PTMA: variants seen among roughly 807,000 people sequenced by gnomAD.
PTMA encodes gene sequence 28.
PTMA carries 4 observed loss-of-function variants against 16.9 expected under a neutral mutation model. The ratio of observed to expected loss-of-function variants is 0.24; its 90% CI spans 0.12 to 0.54. The LOEUF is 0.54. PTMA is among the 20% of genes least tolerant of loss of function. The pLI is 0.95. For missense variants in PTMA, 120 were observed against 137.7 expected, an observed-to-expected ratio of 0.87 and a Z score of 0.64; for synonymous variants, 58 against 47.9, an observed-to-expected ratio of 1.21 and a Z score of -0.87.
At chr2:231,712,125 C>T in intron 3 of PTMA, 142 bp downstream of exon 3, 5 of 1,436,544 alleles carry the variant, frequency 3.5e-6, no homozygotes, top group Non-Finnish European at 4.7e-6. Flanking sequence ...GGGCACCCAC[C>T]TGTAGAGTCA....
Position 231,711,931 on chromosome 2 carries a change from C to G in PTMA, c.159C>G (p.Asp53Glu), listed in dbSNP as rs369301006. The change falls in exon 3 of 5, where the codon GAC becomes GAG. Residue 53 changes from aspartate to glutamate, a missense_variant. By Grantham distance (45) the Asp-to-Glu change is conservative. Transcript: ENST00000409115. ...NGEQEADNEV[D>E]EEEEEGGEEE... ...AGCAGGAGGCTGACAATGAGGTAGACGAAGAAGAGGAAGAAGGTGGGGAGG... is the reference window on the plus strand; with the variant it reads ...AGCAGGAGGCTGACAATGAGGTAGAGGAAGAAGAGGAAGAAGGTGGGGAGG... 6.9e-6 allele frequency: 11 copies of G among 1,604,276 alleles called. No individual in the cohort carries two copies. The highest frequency in any genetic ancestry group is 1.3e-5 in the African/African-American group (1 of 74,668).
rs774156286 is a variant in PTMA at position 231,712,435 on chromosome 2, C to A, written c.212-8C>A. ...AGTGTGGTTTACCTGGCCTTTGATT[C>A]TCTCCAGGTGAGGAAGAGGATGGAG... On this transcript the variant is annotated splice_polypyrimidine_tract_variant and splice_region_variant and intron_variant, in intron 3 of 4. Transcript: ENST00000409115. 3.7e-6 allele frequency: 6 copies of A among 1,613,490 alleles called. No individual in the cohort carries two copies. In the South Asian group the frequency reaches 5.5e-5, roughly 15 times the overall value.
rs1348397084 is a variant in PTMA at position 231,712,671 on chromosome 2, G to T, written c.286-133G>T. On this transcript the variant is annotated intron_variant, in intron 4 of 4. Coordinates refer to ENST00000409115, the MANE Select transcript of PTMA (RefSeq NM_002823.5). ...AAGAACAGGAAGGAAACAGGGCTGG[G>T]CTCAACTTCCCAGAGGCCTTGGGCT... 4.2e-5 allele frequency: 56 copies of T among 1,335,458 alleles called. No homozygotes were observed. In the African/African-American group the frequency reaches 8.1e-4, roughly 19 times the overall value. 82.7% of individuals were successfully genotyped at this position (1,335,458 alleles called of 1,614,324 possible). A position where few individuals can be genotyped will look rare whatever the true frequency, so the allele number is the denominator to read the frequency against.
In PTMA at chr2:231,712,904, T is replaced by C. The variant is rs2048537535; in HGVS notation, c.*53T>C. On this transcript the variant is annotated 3_prime_UTR_variant, in exon 5 of 5. Transcript: ENST00000409115. ...AAAAAAAAAGGCCGCCGTGACCTAT[T>C]CACCCTCCACTTCCCGTCTCAGAAT... is the stretch of plus-strand genomic sequence containing the variant. The C allele has an allele frequency of 2.0e-6, 3 of 1,506,926 alleles. No homozygotes were observed. The East Asian group carries it at 7.4e-5, about 37-fold the overall frequency. 93.3% of individuals were successfully genotyped at this position (1,506,926 alleles called of 1,614,324 possible). A position where few individuals can be genotyped will look rare whatever the true frequency, so the allele number is the denominator to read the frequency against.
intron 1 of PTMA, chr2:231,710,015 C>G (rs115855918): frequency 1.7e-6 from 2 of 1,156,448 alleles, no homozygotes; most frequent in Middle Eastern, 3.3e-4. Context: ...GTGAGAACAC[C>G]GTCCCCAGTG....
chr2:231,711,834 G>T, intron 2 of PTMA, 56 bp from the exon 3 acceptor site: 1 of 1,599,220 alleles, frequency 6.3e-7, no homozygotes, highest in Admixed American at 1.8e-5. Flanking sequence ...CAGGAGCAAC[G>T]CTCTGTCCAG....
rs750767589 is a variant in PTMA at position 231,712,866 on chromosome 2, A to G, written c.*15A>G. The G allele has an allele frequency of 9.6e-6, 15 of 1,555,024 alleles. No homozygotes were observed. Among genetic ancestry groups the G allele is most frequent in the Non-Finnish European group, 1.3e-5 (15 of 1,152,226 alleles). On this transcript the variant is annotated 3_prime_UTR_variant, in exon 5 of 5. Transcript: ENST00000409115. ...AGGATGACTAGACAGCAAAAAAGGAAAAGTTAAACTAAAAAAAAAAAGGCC... is the reference window on the plus strand; with the variant it reads ...AGGATGACTAGACAGCAAAAAAGGAGAAGTTAAACTAAAAAAAAAAAGGCC...
At position 231,710,600 on chromosome 2, in the gene PTMA, C is replaced by T. The variant is rs115569255; in HGVS notation, c.46-748C>T. ...CCGGACCTCTGTTGGTATTGGTGGCCGTGTCGTGTGGAAAAAGTTACCGGG... is the reference window on the plus strand; with the variant it reads ...CCGGACCTCTGTTGGTATTGGTGGCTGTGTCGTGTGGAAAAAGTTACCGGG... On this transcript the variant is annotated intron_variant, in intron 1 of 4. Transcript: ENST00000409115. The T allele has an allele frequency of 4.6e-3, 2,275 of 495,330 alleles. 38 individuals are homozygous for T. Among genetic ancestry groups the T allele is most frequent in the African/African-American group, 0.035 (1,687 of 48,212 alleles). The allele number at this position is 495,330 out of a possible 1,614,324, so 30.7% of individuals were successfully genotyped here. A position where few individuals can be genotyped will look rare whatever the true frequency, so the allele number is the denominator to read the frequency against.
At position 231,712,927 on chromosome 2, in the gene PTMA, A is replaced by T. The variant is rs1313906697; in HGVS notation, c.*76A>T. On this transcript the variant is annotated 3_prime_UTR_variant, in exon 5 of 5. Transcript: ENST00000409115. ...ATTCACCCTCCACTTCCCGTCTCAG[A>T]ATCTAAACGTGGTCACCTTCGAGTA... The T allele has an allele frequency of 7.5e-6, 11 of 1,468,274 alleles. No individual in the cohort carries two copies. Among genetic ancestry groups the T allele is most frequent in the Non-Finnish European group, 1.0e-5 (11 of 1,088,604 alleles). 91.0% of individuals were successfully genotyped at this position (1,468,274 alleles called of 1,614,324 possible).
At chr2:231,712,739 T>C in intron 4 of PTMA, 65 bp from the exon 5 acceptor site, 3 of 1,538,214 alleles carry the variant, frequency 2.0e-6, no homozygotes, top group South Asian at 1.2e-5. Context: ...CAGCAGGAGC[T>C]GAGGCAGTGG....
chr2:231,710,572 A>C, intron 1 of PTMA: 1 of 540,920 alleles, frequency 1.8e-6, no homozygotes. Context: ...GCAGGCCCGG[A>C]CGCCGGACCT....
Position 231,708,733 on chromosome 2 carries a change from C to T in PTMA, c.27C>T (p.Ser9=), listed in dbSNP as rs1462695116. The T allele has an allele frequency of 1.2e-6, 2 of 1,603,632 alleles. No individual in the cohort carries two copies. Among genetic ancestry groups the T allele is most frequent in the African/African-American group, 1.3e-5 (1 of 74,918 alleles). The change falls in exon 1 of 5, where the codon AGC becomes AGT. Residue 9 remains serine (S), a synonymous_variant. Transcript: ENST00000409115. ...TGTCAGACGCAGCCGTAGACACCAGCTCCGAAATCACCACCAAGGTGAGGC... is the reference window on the plus strand; with the variant it reads ...TGTCAGACGCAGCCGTAGACACCAGTTCCGAAATCACCACCAAGGTGAGGC... MSDAAVDT[S]SEITTKDLKE...
intron 3 of PTMA, among the ~76,000 whole-genome samples, 157 bp downstream of exon 3, chr2:231,712,140 A>G (rs1350706607): frequency 6.6e-6 from 1 of 152,168 alleles, no homozygotes; most frequent in African/African-American, 2.4e-5. Context: ...GAGTCAGGGA[A>G]GGTCTCCCTG....
In PTMA at chr2:231,708,552, C is replaced by T. The variant is rs368247819; in HGVS notation, c.-155C>T. The T allele has an allele frequency of 5.8e-6, 5 of 856,876 alleles. No homozygotes were observed. The highest frequency in any genetic ancestry group is 5.5e-5 in the South Asian group (4 of 72,334). 53.1% of individuals were successfully genotyped at this position (856,876 alleles called of 1,614,324 possible). ...CCCACTGGCTGCTCTGAAAAGCCAT[C>T]TTTGCATTGTTCCTCATCCGCCTCC... On this transcript the variant is annotated 5_prime_UTR_variant, in exon 1 of 5. Transcript: ENST00000409115.
Position 231,708,769 on chromosome 2 carries a change from C to A in PTMA, c.45+18C>A, listed in dbSNP as rs1261466045. On this transcript the variant is annotated intron_variant, in intron 1 of 4. Coordinates refer to ENST00000409115, the MANE Select transcript of PTMA (RefSeq NM_002823.5). ...CCACCAAGGTGAGGCTGGACGCCGCCCGCCCCCTCGGGGTCCGCGCGCCGC... is the reference window on the plus strand; with the variant it reads ...CCACCAAGGTGAGGCTGGACGCCGCACGCCCCCTCGGGGTCCGCGCGCCGC... 10 of 1,600,208 alleles carry A rather than the reference C, an allele frequency of 6.2e-6. No homozygotes were observed. Among genetic ancestry groups the A allele is most frequent in the Admixed American group, 5.0e-5 (3 of 59,842 alleles).
At chr2:231,708,858 C>T (rs1057477236) in intron 1 of PTMA, 107 bp downstream of exon 1, 4 of 1,334,312 alleles carry the variant, frequency 3.0e-6, no homozygotes, top group African/African-American at 1.5e-5. Context: ...CTCCCTCTCG[C>T]GGGGAAACGG....
At chr2:231,710,225 T>G in intron 1 of PTMA, 1 of 1,342,314 alleles carries the variant, frequency 7.4e-7, no homozygotes, top group Non-Finnish European at 9.7e-7. Context: ...GGGCGTCGAG[T>G]CGAGAGCCCG....
chr2:231,711,467 A>C, intron 2 of PTMA, 48 bp downstream of exon 2: 1 of 1,573,054 alleles, frequency 6.4e-7, no homozygotes, highest in Admixed American at 1.7e-5. Flanking sequence ...CGCCCCACAA[A>C]ATTTTTCCTG....
At chr2:231,710,376 CCGCCGGGCGGGGGATGCGCGCCTGCG>C (rs1272235442) in intron 1 of PTMA, 1 of 1,190,418 alleles carries the variant, frequency 8.4e-7, no homozygotes. Context: ...CGCGCAAAGC[CCGCCGGGCGGGGGATGCGCGCCTGCG>C]CGCCGCGACC....
Sources: gnomAD v4.1 joint callset for allele counts (sites outside exome capture counted in the v4.1 genomes callset) on GRCh38, gnomAD v4.1.1 for gene constraint, MANE v1.5 for transcripts, NCBI Gene and HGNC (gene_info 2026-07-23, HGNC 2026-07-21) for gene names.